The following GRM5 variants were observed in gnomAD, a reference collection of about 807,000 sequenced individuals.
GRM5 encodes the protein glutamate metabotropic receptor 5, also known as metabotropic glutamate receptor 5.
In GRM5, 19 loss-of-function variants were observed where a neutral mutation model predicts 83.1. The observed-to-expected ratio is 0.23, with a 90% CI of 0.16 to 0.34. GRM5 has a LOEUF of 0.34. Ranked by LOEUF, GRM5 falls within the 10% of genes least tolerant of loss-of-function variation. The pLI, the probability that GRM5 is intolerant of heterozygous loss-of-function variation, is 1.00. For synonymous variants in GRM5, 675 were observed against 633.6 expected, an observed-to-expected ratio of 1.07 and a Z score of -0.98; for missense variants, 1,160 against 1,588.3, an observed-to-expected ratio of 0.73 and a Z score of 4.58.
chr11:88,991,852 A>G (rs1591027959), intron 2 of GRM5, among the ~76,000 whole-genome samples: 1 of 152,116 alleles, frequency 6.6e-6, no homozygotes, highest in African/African-American at 2.4e-5. Context: ...CACCTTATAC[A>G]AAAATCAATT....
intron 3 of GRM5, among the ~76,000 whole-genome samples, chr11:88,758,683 A>G (rs1284991952): frequency 2.0e-5 from 3 of 152,230 alleles, no homozygotes; most frequent in African/African-American, 7.2e-5. Context: ...GATATCATTC[A>G]TAAGAACTTT....
At chr11:88,692,596 A>G (rs1940807307) in intron 3 of GRM5, among the ~76,000 whole-genome samples, 1 of 152,198 alleles carries the variant, frequency 6.6e-6, no homozygotes, top group African/African-American at 2.4e-5. Flanking sequence ...CAAGCTCTTA[A>G]AATGCTAGGT....
chr11:88,548,268 G>A (rs534694705), intron 8 of GRM5, among the ~76,000 whole-genome samples: 48 of 152,264 alleles, frequency 3.2e-4, no homozygotes, highest in African/African-American at 1.1e-3. Flanking sequence ...GGTGCAGCAA[G>A]ACCACTTCTA....
chr11:88,737,929 T>C (rs1941953585), intron 3 of GRM5, among the ~76,000 whole-genome samples: 2 of 152,082 alleles, frequency 1.3e-5, no homozygotes, highest in Non-Finnish European at 2.9e-5. Context: ...TTCATGAACC[T>C]TTCCAACAAG....
chr11:88,669,670 A>T (rs1940142996), intron 3 of GRM5, among the ~76,000 whole-genome samples: 1 of 151,992 alleles, frequency 6.6e-6, no homozygotes, highest in Non-Finnish European at 1.5e-5. Context: ...TCCAAAACAA[A>T]TACAAATTAA....
chr11:88,885,372 G>C (rs1945025085), intron 2 of GRM5, among the ~76,000 whole-genome samples: 1 of 137,472 alleles, frequency 7.3e-6, no homozygotes, highest in African/African-American at 2.8e-5. Context: ...TCCTTCTATA[G>C]AAAAATCCAT....
chr11:88,514,019 G>A (rs186028152), intron 9 of GRM5, among the ~76,000 whole-genome samples: 25 of 152,050 alleles, frequency 1.6e-4, no homozygotes, highest in Admixed American at 1.4e-3. Flanking sequence ...ACCCATCTAT[G>A]GCACGTCACC....
intron 3 of GRM5, among the ~76,000 whole-genome samples, chr11:88,818,416 C>T (rs12275391): frequency 0.025 from 3,878 of 152,080 alleles, 172 homozygotes; most frequent in African/African-American, 0.089. Flanking sequence ...CTTTTGGCTC[C>T]ATAAAAATAA....
At chr11:88,868,422 G>A (rs1258534681) in intron 2 of GRM5, among the ~76,000 whole-genome samples, 3 of 151,738 alleles carry the variant, frequency 2.0e-5, no homozygotes, top group South Asian at 2.1e-4. Flanking sequence ...GATTAAATGC[G>A]ATTTTGCATG....
intron 7 of GRM5, among the ~76,000 whole-genome samples, chr11:88,573,546 C>T (rs529193022): frequency 1.3e-5 from 2 of 152,258 alleles, no homozygotes; most frequent in East Asian, 3.9e-4. Flanking sequence ...TGTTTAGAAT[C>T]TCTGAGAATA....
intron 5 of GRM5, among the ~76,000 whole-genome samples, chr11:88,601,184 A>G (rs930785594): frequency 6.6e-6 from 1 of 152,158 alleles, no homozygotes; most frequent in Non-Finnish European, 1.5e-5. Context: ...CTTTCTTTCT[A>G]TGACACAGAT....
At chr11:89,023,246 C>A (rs1941033936) in intron 2 of GRM5, among the ~76,000 whole-genome samples, 1 of 152,000 alleles carries the variant, frequency 6.6e-6, no homozygotes, top group South Asian at 2.1e-4. Context: ...CATACACCAT[C>A]AGGGGGGTAA....
At chr11:89,055,274 C>A (rs1413987822) in intron 1 of GRM5, among the ~76,000 whole-genome samples, 1 of 152,158 alleles carries the variant, frequency 6.6e-6, no homozygotes, top group African/African-American at 2.4e-5. Flanking sequence ...CTCTCTGAGC[C>A]TCATGCCTTT....
chr11:89,026,668 G>A lies in GRM5; in HGVS notation c.661+20544C>T, dbSNP rs897508331. 3.3e-5 allele frequency among the ~76,000 whole-genome samples: 5 copies of A among 152,100 alleles called. No homozygotes were observed. The South Asian group carries it at 1.0e-3, about 32-fold the overall frequency. On this transcript the variant is annotated intron_variant, in intron 2 of 9. Transcript: ENST00000305447. ...TATATATGAAAATACTAACACATGAGAGTCATTCAGTATATGCAATCTACT... is the reference window on the plus strand; with the variant it reads ...TATATATGAAAATACTAACACATGAAAGTCATTCAGTATATGCAATCTACT...
intron 9 of GRM5, among the ~76,000 whole-genome samples, chr11:88,518,921 G>T (rs547273147): frequency 6.6e-6 from 1 of 150,578 alleles, no homozygotes; most frequent in African/African-American, 2.4e-5. Flanking sequence ...TGACTCAATA[G>T]ACTTCTCACA....
chr11:88,990,247 A>T (rs1939917021), intron 2 of GRM5, among the ~76,000 whole-genome samples: 2 of 152,130 alleles, frequency 1.3e-5, no homozygotes, highest in Non-Finnish European at 2.9e-5. Context: ...TATGCAAATA[A>T]ACTCGAAAAT....
chr11:89,036,865 T>C (rs1358752293), intron 2 of GRM5, among the ~76,000 whole-genome samples: 2 of 152,176 alleles, frequency 1.3e-5, no homozygotes, highest in South Asian at 2.1e-4. Flanking sequence ...ACTTTTATAA[T>C]ACTTTTAAAA....
chr11:88,927,613 C>G (rs1420416294), intron 2 of GRM5, among the ~76,000 whole-genome samples: 1 of 152,068 alleles, frequency 6.6e-6, no homozygotes, highest in African/African-American at 2.4e-5. Flanking sequence ...AGAATCCACA[C>G]AAATTGGTAG....
rs536939318 is a variant in GRM5, at chr11:88,987,777, C to A, written c.661+59435G>T. Among the ~76,000 whole-genome samples the A allele has an allele frequency of 3.1e-3, 477 of 151,874 alleles. 2 individuals carry two copies. Among genetic ancestry groups the A allele is most frequent in the Non-Finnish European group, 2.1e-3 (144 of 67,892 alleles). On this transcript the variant is annotated intron_variant, in intron 2 of 9. Transcript: ENST00000305447. ...TGACACCTCACACGGCAGGGTACTC[C>A]AACAGACCTGCAGCTGAGGGTCCTG...
Sources: gnomAD v4.1 joint callset for allele counts (sites outside exome capture counted in the v4.1 genomes callset) on GRCh38, gnomAD v4.1.1 for gene constraint, MANE v1.5 for transcripts, NCBI Gene and HGNC (gene_info 2026-07-23, HGNC 2026-07-21) for gene names.